The following C6 variants were observed in gnomAD, a reference collection of about 807,000 sequenced individuals.
C6 encodes the protein complement C6.
In C6, 101 loss-of-function variants were observed where a neutral mutation model predicts 112.9. The ratio of observed to expected loss-of-function variants is 0.89; its 90% confidence interval spans 0.76 to 1.06. The LOEUF is 1.06. Ranked by LOEUF, C6 falls within the 50% of genes least tolerant of loss-of-function variation. The pLI, the probability that C6 is intolerant of heterozygous loss-of-function variation, is 0.00. For synonymous variants in C6, 431 were observed against 384.1 expected (o/e 1.12, Z -1.43); for missense variants, 1,202 against 1,104.6 (o/e 1.09, Z -1.25).
chr5:41,212,366 G>C (rs1391858745), intron 1 of C6, among the ~76,000 whole-genome samples: 7 of 151,846 alleles, frequency 4.6e-5, no homozygotes, highest in Non-Finnish European at 7.4e-5. Flanking sequence ...TCACCATTTT[G>C]GTCAGGCTCG....
chr5:41,250,481 G>T (rs1269891695), intron 1 of C6, among the ~76,000 whole-genome samples: 4 of 152,160 alleles, frequency 2.6e-5, no homozygotes, highest in African/African-American at 9.6e-5. Context: ...GAAAGTTATT[G>T]TCTCTATCTT....
chr5:41,253,431 T>G (rs1457219399), intron 1 of C6, among the ~76,000 whole-genome samples: 1 of 152,214 alleles, frequency 6.6e-6, no homozygotes, highest in Non-Finnish European at 1.5e-5. Context: ...CCCTGTGAAC[T>G]CTAGTTGGCT....
chr5:41,158,501 C>G (rs148780258), intron 13 of C6, among the ~76,000 whole-genome samples, 173 bp downstream of exon 13: 10 of 152,290 alleles, frequency 6.6e-5, no homozygotes, highest in African/African-American at 2.4e-4. Flanking sequence ...ATGAAGACAT[C>G]TCTAGGAAAT....
chr5:41,176,948 T>A (rs913751474), intron 7 of C6, among the ~76,000 whole-genome samples: 7 of 152,196 alleles, frequency 4.6e-5, no homozygotes, highest in Admixed American at 1.3e-4. Flanking sequence ...AACTGTGTAA[T>A]GGGGGCACGT....
chr5:41,250,636 G>A (rs7728387), intron 1 of C6, among the ~76,000 whole-genome samples: 2,957 of 152,156 alleles, frequency 0.019, 101 homozygotes, highest in African/African-American at 0.067. Flanking sequence ...ATATAAAGTG[G>A]CCCCCAAGAG....
chr5:41,152,726 A>G (rs1746528406), intron 15 of C6: 1 of 152,196 alleles, frequency 6.6e-6, no homozygotes, highest in Admixed American at 6.5e-5. Context: ...TATGGTTTAC[A>G]ATGTGGTGAT....
At chr5:41,188,352 CT>C (rs1266478852) in intron 5 of C6, among the ~76,000 whole-genome samples, 1 of 152,038 alleles carries the variant, frequency 6.6e-6, no homozygotes, top group African/African-American at 2.4e-5. Context: ...AAGGAATTAC[CT>C]TCCTGATACA....
At position 41,199,766 on chromosome 5, in the gene C6, AC is replaced by A. The variant is rs757420101; in HGVS notation, c.445+1del. ...ACTGAACATTTCACAAAAATACATT[AC>A]CACTGTCACAGCGAAATTTATTCTT... On this transcript the variant is annotated splice_donor_variant, in intron 4 of 17. Transcript: ENST00000337836. LOFTEE classifies it high-confidence loss of function. 2 of 1,613,510 alleles carry A rather than the reference AC, an allele frequency of 1.2e-6. No individual in the cohort carries two copies. Among genetic ancestry groups the A allele is most frequent in the East Asian group, 4.5e-5 (2 of 44,872 alleles).
In C6 at chr5:41,153,873, T is replaced by C. The variant is rs374476792; in HGVS notation, c.2227A>G (p.Arg743Gly). ...CAGGAATTCCCCTGGCATGTGTACC[T>C]TGATGGCCCAGCAACAACAAAGCCT... is the stretch of plus-strand genomic sequence containing the variant. Reference protein sequence around the residue: ...PKGFVVAGPSRYTCQGNSWTP... With the variant: ...PKGFVVAGPSGYTCQGNSWTP... The change falls in exon 15 of 18, where the codon AGG becomes GGG. Residue 743 changes from arginine (R) to glycine (G), a missense_variant. By Grantham distance (125) the Arg-to-Gly change is moderately radical (BLOSUM62 -2). Transcript: ENST00000337836. 2.0e-5 allele frequency: 32 copies of C among 1,613,840 alleles called. No individual in the cohort carries two copies. The highest frequency in any genetic ancestry group is 4.0e-5 in the African/African-American group (3 of 75,036).
chr5:41,242,293 A>C (rs1456156655), intron 1 of C6, among the ~76,000 whole-genome samples: 2 of 151,972 alleles, frequency 1.3e-5, no homozygotes, highest in Non-Finnish European at 2.9e-5. Context: ...ACGAGATCTG[A>C]TCATCTTATA....
At chr5:41,222,670 T>C (rs1739253239) in intron 1 of C6, among the ~76,000 whole-genome samples, 1 of 152,218 alleles carries the variant, frequency 6.6e-6, no homozygotes, top group African/African-American at 2.4e-5. Context: ...ATATTTACTA[T>C]TTCTGATACC....
In C6 at chr5:41,175,281, C is replaced by T. The variant is rs1748744340; in HGVS notation, c.1168+1194G>A. On this transcript the variant is annotated intron_variant, in intron 8 of 17. Coordinates refer to ENST00000337836, the MANE Select transcript of C6 (RefSeq NM_000065.5). ...CTAGATCATCCTCACATCCAGAATACATCTTACTGAATATATATACACACA... is the reference window on the plus strand; with the variant it reads ...CTAGATCATCCTCACATCCAGAATATATCTTACTGAATATATATACACACA... 3.3e-5 allele frequency among the ~76,000 whole-genome samples: 5 copies of T among 152,298 alleles called. No individual in the cohort carries two copies. In the South Asian group the frequency reaches 1.0e-3, roughly 32 times the overall value.
Position 41,159,131 on chromosome 5 carries a change from C to G in C6, c.1807G>C (p.Gly603Arg), listed in dbSNP as rs1296647941. 2.5e-6 allele frequency: 4 copies of G among 1,613,724 alleles called. No individual in the cohort carries two copies. Among genetic ancestry groups the G allele is most frequent in the Non-Finnish European group, 3.4e-6 (4 of 1,179,764 alleles). Reference sequence around the variant, plus strand: ...CAGTCTTCCTCTTGTCGCTTCTCCCCCTCACAGCGTTTCCCTCCTCGTTGG... The same window carrying G: ...CAGTCTTCCTCTTGTCGCTTCTCCCGCTCACAGCGTTTCCCTCCTCGTTGG... Reference protein sequence around the residue: ...APQRGGKRCEGEKRQEEDCTF... With the variant: ...APQRGGKRCEREKRQEEDCTF... The change falls in exon 12 of 18, where the codon GGG becomes CGG. Residue 603 changes from glycine to arginine, a missense_variant. Transcript: ENST00000337836.
chr5:41,157,935 A>G (rs1045226783), intron 13 of C6, among the ~76,000 whole-genome samples: 5 of 152,224 alleles, frequency 3.3e-5, no homozygotes, highest in Non-Finnish European at 5.9e-5. Flanking sequence ...AGCCCAGACT[A>G]CACTCCATGA....
intron 5 of C6, among the ~76,000 whole-genome samples, chr5:41,187,852 C>T (rs1192165694): frequency 6.6e-6 from 1 of 151,618 alleles, no homozygotes; most frequent in Non-Finnish European, 1.5e-5. Context: ...ACAATACATA[C>T]TATCTCTCCC....
chr5:41,253,358 C>A (rs1365151147), intron 1 of C6, among the ~76,000 whole-genome samples: 2 of 152,064 alleles, frequency 1.3e-5, no homozygotes, highest in Non-Finnish European at 2.9e-5. Context: ...TGGAGGAGGG[C>A]CCTCACCAAA....
At chr5:41,202,809 A>AAAGCTTGG (rs147807216) in intron 2 of C6, among the ~76,000 whole-genome samples, 3,806 of 152,276 alleles carry the variant, frequency 0.025, 157 homozygotes, top group African/African-American at 0.087. Flanking sequence ...CTGATTGAAA[A>AAAGCTTGG]AAGCTTGGGT....
intron 5 of C6, among the ~76,000 whole-genome samples, chr5:41,192,418 T>A (rs1002384826): frequency 1.3e-5 from 2 of 152,150 alleles, no homozygotes; most frequent in Admixed American, 1.3e-4. Context: ...TTGGAAAAGT[T>A]CCCTTTCGAT....
At chr5:41,195,731 C>G in intron 5 of C6, 61 bp downstream of exon 5, 2 of 1,542,054 alleles carry the variant, frequency 1.3e-6, no homozygotes, top group Non-Finnish European at 1.8e-6. Flanking sequence ...TCTCATTGCT[C>G]CCTCTGACTC....
Sources: gnomAD v4.1 joint callset for allele counts (sites outside exome capture counted in the v4.1 genomes callset) on GRCh38, gnomAD v4.1.1 for gene constraint, MANE v1.5 for transcripts, NCBI Gene and HGNC (gene_info 2026-07-23, HGNC 2026-07-21) for gene names.